NPAT: variants seen among roughly 807,000 people sequenced by gnomAD.
NPAT encodes nuclear protein, coactivator of histone transcription.
Under a neutral mutation model 130.7 loss-of-function variants are expected in NPAT, and 52 were observed. That is an observed-to-expected ratio of 0.40 (90% CI 0.32 to 0.50). NPAT has a LOEUF of 0.50. Ranked by LOEUF, NPAT falls within the 20% of genes least tolerant of loss-of-function variation. The pLI is 0.68. For missense variants in NPAT, 1,687 were observed against 1,662.6 expected (o/e 1.01, Z -0.26); for synonymous variants, 580 against 584.8 (o/e 0.99, Z 0.12).
At chr11:108,169,618 A>T in intron 15 of NPAT, 126 bp downstream of exon 15, 1 of 746,892 alleles carries the variant, frequency 1.3e-6, no homozygotes, top group Non-Finnish European at 2.4e-6. Context: ...ATCTGTTACT[A>T]GCAAATGTAG....
intron 1 of NPAT, among the ~76,000 whole-genome samples, chr11:108,209,461 G>A (rs1380361333): frequency 1.3e-5 from 2 of 152,030 alleles, no homozygotes; most frequent in African/African-American, 4.8e-5. Context: ...GCACGTGCCT[G>A]TAGTCCCAGT....
In NPAT at chr11:108,160,954, G is replaced by C; in HGVS notation, c.4132C>G (p.Arg1378Gly). Reference protein sequence around the residue: ...KKRKIEELDERERNSRPSSKN... With the variant: ...KKRKIEELDEGERNSRPSSKN... ...CTAGAAGGACGAGAGTTTCGCTCAC[G>C]TTCATCTAATTCCTCAATTTTCCGC... Residue 1378 changes from arginine (R) to glycine (G), a missense_variant, in exon 17 of 18, where the codon CGT (arginine) becomes GGT (glycine). Transcript: ENST00000278612. 6.2e-7 allele frequency: 1 copy of C among 1,614,060 alleles called. No homozygotes were observed. Among genetic ancestry groups the C allele is most frequent in the Non-Finnish European group, 8.5e-7 (1 of 1,179,976 alleles).
rs1054613102 is a variant in NPAT, at chr11:108,187,276, C to A, written c.639-707G>T. ...GACCAGCCTGGGCAACAAAGTGAGA[C>A]CCCCATCTCTACAAAAAATAAAAAA... On this transcript the variant is annotated intron_variant, in intron 7 of 17. Transcript: ENST00000278612. 1.2e-4 allele frequency among the ~76,000 whole-genome samples: 19 copies of A among 152,080 alleles called. 1 individual carries two copies. The highest frequency in any genetic ancestry group is 4.1e-4 in the African/African-American group (17 of 41,502).
chr11:108,186,594 CT>C (rs774153206), intron 7 of NPAT, 25 bp from the exon 8 acceptor site: 1 of 1,545,836 alleles, frequency 6.5e-7, no homozygotes, highest in South Asian at 1.1e-5. Flanking sequence ...AAAAGCTTTT[CT>C]TTTAACCACT....
In NPAT at chr11:108,158,718, C is replaced by T; in HGVS notation, c.*224G>A. ...TATACAGTTTTGCAGATTGGCTTTA[C>T]TTACATTTCTGCAAACGTTTTTCCC... On this transcript the variant is annotated 3_prime_UTR_variant, in exon 18 of 18. Transcript: ENST00000278612. 2.1e-6 allele frequency: 1 copy of T among 467,452 alleles called. No individual in the cohort carries two copies. The highest frequency in any genetic ancestry group is 4.1e-5 in the East Asian group (1 of 24,410). The allele number at this position is 467,452 out of a possible 1,614,324, so 29.0% of individuals were successfully genotyped here. A position where few individuals can be genotyped will look rare whatever the true frequency, so the allele number is the denominator to read the frequency against.
intron 1 of NPAT, among the ~76,000 whole-genome samples, chr11:108,210,603 AG>A (rs2078375219): frequency 6.6e-6 from 1 of 152,226 alleles, no homozygotes; most frequent in South Asian, 2.1e-4. Context: ...ACCCACTCTC[AG>A]GTGTTTCTTC....
At chr11:108,175,437 C>G (rs912791238) in intron 12 of NPAT, among the ~76,000 whole-genome samples, 5 of 152,114 alleles carry the variant, frequency 3.3e-5, no homozygotes, top group African/African-American at 1.2e-4. Context: ...GTGGGGAAAA[C>G]AGTAGAAATT....
chr11:108,221,593 CAATAA>C (rs1353419820), intron 1 of NPAT, among the ~76,000 whole-genome samples: 5 of 152,140 alleles, frequency 3.3e-5, no homozygotes, highest in Non-Finnish European at 7.4e-5. Flanking sequence ...GTTTTCCGAA[CAATAA>C]AATAATAGTA....
rs550005329 is a variant in NPAT, at chr11:108,174,795, T to C, written c.1133-944A>G. Among the ~76,000 whole-genome samples the C allele has an allele frequency of 9.0e-4, 137 of 152,002 alleles. 1 individual carries two copies. The highest frequency in any genetic ancestry group is 3.0e-3 in the African/African-American group (124 of 41,488). ...CACCACACCTGGCTAGCTTTTGTAT[T>C]TTTAGTAGAGGCGCGGTTTCACCGT... is the stretch of plus-strand genomic sequence containing the variant. On this transcript the variant is annotated intron_variant, in intron 12 of 17. Transcript: ENST00000278612.
chr11:108,209,106 C>T (rs2078358446), intron 1 of NPAT, among the ~76,000 whole-genome samples: 1 of 151,704 alleles, frequency 6.6e-6, no homozygotes, highest in Admixed American at 6.6e-5. Context: ...ATGGTAAACT[C>T]CGTCTCTACT....
intron 2 of NPAT, among the ~76,000 whole-genome samples, chr11:108,196,615 C>T (rs2078223831): frequency 6.6e-6 from 1 of 152,162 alleles, no homozygotes; most frequent in South Asian, 2.1e-4. Context: ...CAATTTTGAG[C>T]ATTTGGATTT....
chr11:108,178,609 G>A (rs1422738053), intron 10 of NPAT, among the ~76,000 whole-genome samples: 1 of 152,154 alleles, frequency 6.6e-6, no homozygotes, highest in Non-Finnish European at 1.5e-5. Context: ...TGTAATCCCA[G>A]CACTTTGGGA....
chr11:108,169,377 A>G (rs6589007), intron 15 of NPAT, among the ~76,000 whole-genome samples: 83,290 of 152,046 alleles, frequency 0.55, 23,261 homozygotes, highest in Middle Eastern at 0.74. Flanking sequence ...AAATCCCCAA[A>G]TAGTTCATAT....
chr11:108,202,832 T>C (rs1221581192), intron 1 of NPAT, among the ~76,000 whole-genome samples: 1 of 152,158 alleles, frequency 6.6e-6, no homozygotes, highest in Non-Finnish European at 1.5e-5. Context: ...ACTAACTGGG[T>C]AGAAGCATTT....
Position 108,160,271 on chromosome 11 carries a change from C to A in NPAT, c.4206+609G>T, listed in dbSNP as rs866746313. Among the ~76,000 whole-genome samples, 10 of 152,088 alleles carry A rather than the reference C, an allele frequency of 6.6e-5. No homozygotes were observed. In the South Asian group the frequency reaches 1.5e-3, roughly 22 times the overall value. ...CTGGAAGGCGGAGGCTGCAGTGAGC[C>A]AAGATCGTACCATTGCACTCCAGCC... On this transcript the variant is annotated intron_variant, in intron 17 of 17. Coordinates refer to ENST00000278612, the MANE Select transcript of NPAT (RefSeq NM_002519.3).
chr11:108,161,656 T>C lies in NPAT; in HGVS notation c.3430A>G (p.Thr1144Ala), dbSNP rs769878226. Residue 1144 changes from threonine (T) to alanine (A), a missense_variant, in exon 17 of 18, where the codon ACT (threonine) becomes GCT (alanine). This residue lies in a region of NPAT where 1,379 missense variants were observed against 1,346.6 expected (regional missense o/e 1.02). Coordinates refer to ENST00000278612, the MANE Select transcript of NPAT (RefSeq NM_002519.3). ...AISRHTTIRE[T>A]QSEKKVSPTE... is the part of the protein sequence containing the mutation. ...GGTGAAACTTTCTTTTCTGATTGAGTTTCTCTTATGGTGGTATGCCGGCTA... is the reference window on the plus strand; with the variant it reads ...GGTGAAACTTTCTTTTCTGATTGAGCTTCTCTTATGGTGGTATGCCGGCTA... 6.2e-7 allele frequency: 1 copy of C among 1,614,014 alleles called. No homozygotes were observed. Among genetic ancestry groups the C allele is most frequent in the Non-Finnish European group, 8.5e-7 (1 of 1,180,038 alleles).
chr11:108,216,617 T>C (rs2078437829), intron 1 of NPAT, among the ~76,000 whole-genome samples: 1 of 150,896 alleles, frequency 6.6e-6, no homozygotes, highest in Admixed American at 6.6e-5. Context: ...CAGTAAACCT[T>C]TTTCAGAAAA....
At chr11:108,168,432 G>A (rs772403174) in intron 15 of NPAT, among the ~76,000 whole-genome samples, 1 of 152,200 alleles carries the variant, frequency 6.6e-6, no homozygotes, top group Admixed American at 6.5e-5. Context: ...ATAAGTCTAA[G>A]AGGGTGCCTC....
At chr11:108,176,758 G>A (rs1175026375) in intron 11 of NPAT, among the ~76,000 whole-genome samples, 1 of 152,100 alleles carries the variant, frequency 6.6e-6, no homozygotes, top group East Asian at 1.9e-4. Context: ...ATTCCCTGAT[G>A]ACTGGCAAAA....
Sources: gnomAD v4.1 joint callset for allele counts (sites outside exome capture counted in the v4.1 genomes callset) on GRCh38, gnomAD v4.1.1 for gene constraint, gnomAD v4.1.1 regional missense constraint, MANE v1.5 for transcripts, NCBI Gene and HGNC (gene_info 2026-07-23, HGNC 2026-07-21) for gene names.